GALNT17: variants seen among roughly 807,000 people sequenced by gnomAD.
GALNT17 encodes the protein polypeptide N-acetylgalactosaminyltransferase 17, also known as UDP-GalNAc:polypeptide N-acetylgalactosaminyltransferase-like 3.
In GALNT17, 29 loss-of-function variants were observed where a neutral mutation model predicts 63.7. That is an observed-to-expected ratio of 0.46 (90% CI 0.34 to 0.62). GALNT17 has a LOEUF of 0.62. Ranked by LOEUF, GALNT17 falls within the 20% of genes least tolerant of loss-of-function variation. GALNT17 has a pLI of 0.01. For missense variants in GALNT17, 603 were observed against 799.6 expected, an observed-to-expected ratio of 0.75 and a Z score of 2.97; for synonymous variants, 305 against 318.3, an observed-to-expected ratio of 0.96 and a Z score of 0.45.
At chr7:71,617,268 A>G (rs1307703269) in intron 6 of GALNT17, among the ~76,000 whole-genome samples, 1 of 141,762 alleles carries the variant, frequency 7.1e-6, no homozygotes, top group African/African-American at 2.6e-5. Flanking sequence ...TAGTAAGCAT[A>G]GTACTTGATA....
intron 6 of GALNT17, among the ~76,000 whole-genome samples, chr7:71,593,335 G>A (rs1391481185): frequency 1.4e-5 from 2 of 138,860 alleles, no homozygotes; most frequent in African/African-American, 5.5e-5. Flanking sequence ...GCATGATCTC[G>A]GCTCATTACA....
intron 1 of GALNT17, among the ~76,000 whole-genome samples, chr7:71,326,123 GA>G (rs35011425): frequency 7.3e-5 from 11 of 150,942 alleles, no homozygotes; most frequent in Admixed American, 2.6e-4. Context: ...TTGTGTTGCA[GA>G]AAAAAAAATC....
chr7:71,159,698 C>G (rs1788304328), intron 1 of GALNT17, among the ~76,000 whole-genome samples: 1 of 148,668 alleles, frequency 6.7e-6, no homozygotes, highest in African/African-American at 2.5e-5. Flanking sequence ...CCCCAACATG[C>G]CTGGGGCATC....
chr7:71,404,845 TAGTC>T (rs2116399136), intron 3 of GALNT17, among the ~76,000 whole-genome samples: 1 of 152,290 alleles, frequency 6.6e-6, no homozygotes, highest in South Asian at 2.1e-4. Context: ...GCACTGACCA[TAGTC>T]AGCAGAAGGC....
intron 5 of GALNT17, among the ~76,000 whole-genome samples, chr7:71,467,054 T>C (rs1457305384): frequency 6.6e-6 from 1 of 152,106 alleles, no homozygotes; most frequent in Non-Finnish European, 1.5e-5. Flanking sequence ...TAATTTTTGA[T>C]TTACGATTTT....
intron 5 of GALNT17, among the ~76,000 whole-genome samples, chr7:71,527,515 A>G (rs1035420776): frequency 2.6e-5 from 4 of 152,158 alleles, no homozygotes; most frequent in Admixed American, 1.3e-4. Context: ...TTATCATCCT[A>G]TCCTCTGCAG....
intron 1 of GALNT17, among the ~76,000 whole-genome samples, chr7:71,280,461 T>G (rs765700607): frequency 2.6e-5 from 4 of 152,050 alleles, no homozygotes; most frequent in Non-Finnish European, 4.4e-5. Flanking sequence ...GGGATGAGGG[T>G]AGGCGTGAAA....
chr7:71,481,399 G>A (rs761119898), intron 5 of GALNT17, among the ~76,000 whole-genome samples: 4 of 152,134 alleles, frequency 2.6e-5, no homozygotes, highest in Non-Finnish European at 5.9e-5. Flanking sequence ...GCAGTGAGCG[G>A]AGATCGCACC....
chr7:71,298,387 G>GGAA (rs10651090), intron 1 of GALNT17, among the ~76,000 whole-genome samples: 1 of 151,718 alleles, frequency 6.6e-6, no homozygotes, highest in African/African-American at 2.4e-5. Flanking sequence ...AAAACAATCA[G>GGAA]AACAGAAAAT....
At chr7:71,669,048 G>C (rs1791027749) in intron 7 of GALNT17, among the ~76,000 whole-genome samples, 1 of 152,176 alleles carries the variant, frequency 6.6e-6, no homozygotes, top group South Asian at 2.1e-4. Context: ...AAATGCGTAA[G>C]AGCAGAAACT....
intron 1 of GALNT17, among the ~76,000 whole-genome samples, chr7:71,215,824 T>A (rs753309651): frequency 6.6e-6 from 1 of 152,136 alleles, no homozygotes; most frequent in Non-Finnish European, 1.5e-5. Context: ...CTTCACAATC[T>A]TACAATTTAT....
chr7:71,367,649 T>A (rs1435028451), intron 2 of GALNT17, among the ~76,000 whole-genome samples: 1 of 149,550 alleles, frequency 6.7e-6, no homozygotes, highest in Non-Finnish European at 1.5e-5. Context: ...TTGACTGGTC[T>A]CACTAGCCAC....
At chr7:71,380,708 C>T (rs899202918) in intron 2 of GALNT17, among the ~76,000 whole-genome samples, 2 of 152,004 alleles carry the variant, frequency 1.3e-5, no homozygotes, top group Non-Finnish European at 2.9e-5. Flanking sequence ...ATGGACGAGG[C>T]AAGGCTCTGA....
intron 1 of GALNT17, among the ~76,000 whole-genome samples, chr7:71,166,436 C>T (rs1243203965): frequency 6.6e-6 from 1 of 152,202 alleles, no homozygotes; most frequent in African/African-American, 2.4e-5. Flanking sequence ...AAATCATCCG[C>T]ATGATCAAGA....
intron 7 of GALNT17, among the ~76,000 whole-genome samples, chr7:71,668,516 C>CAAAA (rs56329930): frequency 0.025 from 1,580 of 62,888 alleles, 149 homozygotes; most frequent in African/African-American, 0.047. Context: ...GACACCATCT[C>CAAAA]AAAAAAAAAA....
chr7:71,346,824 G>A (rs1020525876), intron 2 of GALNT17, among the ~76,000 whole-genome samples: 1 of 152,044 alleles, frequency 6.6e-6, no homozygotes, highest in East Asian at 1.9e-4. Context: ...CAATTCTTTC[G>A]AAGCTAACAA....
At chr7:71,443,331 G>A (rs1434202708) in intron 5 of GALNT17, among the ~76,000 whole-genome samples, 3 of 152,116 alleles carry the variant, frequency 2.0e-5, no homozygotes, top group African/African-American at 7.2e-5. Flanking sequence ...TACACGCACT[G>A]TTTCTCTGTA....
Position 71,171,807 on chromosome 7 carries a change from G to A in GALNT17, c.238+38767G>A, listed in dbSNP as rs538491249. 1.6e-4 allele frequency among the ~76,000 whole-genome samples: 25 copies of A among 152,268 alleles called. No homozygotes were observed. The South Asian group carries it at 2.1e-3, about 13-fold the overall frequency. ...TGATAGCTTTTCTTTAACTAACTTC[G>A]GTGATCACATTTGTAAAGAGATGGG... On this transcript the variant is annotated intron_variant, in intron 1 of 10. Transcript: ENST00000333538.
intron 5 of GALNT17, among the ~76,000 whole-genome samples, chr7:71,565,399 T>C (rs1789325831): frequency 6.6e-6 from 1 of 152,096 alleles, no homozygotes; most frequent in South Asian, 2.1e-4. Flanking sequence ...GATCCCTCTG[T>C]CTGCTCCCCT....
Sources: allele counts gnomAD v4.1 joint callset (sites outside exome capture counted in the v4.1 genomes callset), GRCh38; gene constraint gnomAD v4.1.1; transcripts MANE v1.5; gene names NCBI Gene and HGNC (gene_info 2026-07-23, HGNC 2026-07-21).